LRCH2: variants seen among roughly 807,000 people sequenced by gnomAD.
The protein encoded by LRCH2 is leucine rich repeats and calponin homology domain containing 2.
A neutral mutation model predicts 68.9 loss-of-function variants in LRCH2; 38 were observed. That is an observed-to-expected ratio of 0.55 (90% confidence interval 0.43 to 0.72). The LOEUF is 0.72. LRCH2 is among the 30% of genes least tolerant of loss of function. The pLI, the probability that LRCH2 is intolerant of heterozygous loss-of-function variation, is 0.00. For synonymous variants in LRCH2, 191 were observed against 208.1 expected (o/e 0.92, Z 0.71); for missense variants, 528 against 572.9 (o/e 0.92, Z 0.80).
intron 14 of LRCH2, among the ~76,000 whole-genome samples, chrX:115,147,745 G>A (rs1556536861): frequency 9.0e-6 from 1 of 111,330 alleles, no homozygotes; most frequent in African/African-American, 3.3e-5. Flanking sequence ...GTCCACTCAA[G>A]TTACTGTAAA....
At chrX:115,196,002 T>C (rs2072884594) in intron 1 of LRCH2, among the ~76,000 whole-genome samples, 2 of 111,856 alleles carry the variant, frequency 1.8e-5, no homozygotes, top group South Asian at 7.5e-4. Flanking sequence ...GCACCAGTCT[T>C]GGCCATTGGG....
chrX:115,201,386 T>C (rs1190051240), intron 1 of LRCH2, among the ~76,000 whole-genome samples: 2 of 111,843 alleles, frequency 1.8e-5, no homozygotes, highest in Non-Finnish European at 3.8e-5. Flanking sequence ...ATAAATGTGA[T>C]ACATCACATA....
Position 115,112,213 on chromosome X carries a change from T to C in LRCH2, c.*1003A>G, listed in dbSNP as rs1556522918. On this transcript the variant is annotated 3_prime_UTR_variant, in exon 21 of 21. Coordinates refer to ENST00000317135, the MANE Select transcript of LRCH2 (RefSeq NM_020871.4). ...ATAGCTAAAGGCAGCACTGATAGAA[T>C]GCTGCTCAAAGGGAAGATATAAACC... 1 of 111,723 alleles carries C rather than the reference T, an allele frequency of 9.0e-6. No homozygotes were observed. The highest frequency in any genetic ancestry group is 3.2e-5 in the African/African-American group (1 of 30,825). 9.2% of individuals were successfully genotyped at this position (111,723 alleles called of 1,213,427 possible). A position where few individuals can be genotyped will look rare whatever the true frequency, so the allele number is the denominator to read the frequency against.
At chrX:115,212,293 A>AGTATTATC (rs1451848001) in intron 1 of LRCH2, among the ~76,000 whole-genome samples, 4 of 112,235 alleles carry the variant, frequency 3.6e-5, no homozygotes, top group East Asian at 5.6e-4. Flanking sequence ...ATGCACATGC[A>AGTATTATC]GTATTATCAC....
chrX:115,219,653 T>C (rs2073065382), intron 1 of LRCH2, among the ~76,000 whole-genome samples: 1 of 111,915 alleles, frequency 8.9e-6, no homozygotes, highest in South Asian at 3.8e-4. Context: ...TGCTCTGTTG[T>C]TGAGGAGTCA....
At chrX:115,120,498 A>G (rs369348899) in intron 20 of LRCH2, among the ~76,000 whole-genome samples, 5,240 of 70,875 alleles carry the variant, frequency 0.074, 223 homozygotes, top group Middle Eastern at 0.1. Context: ...TTAGAATGGC[A>G]ATCATTAAAA....
chrX:115,215,861 G>C (rs944184425), intron 1 of LRCH2, among the ~76,000 whole-genome samples: 2 of 109,791 alleles, frequency 1.8e-5, no homozygotes, highest in Non-Finnish European at 3.8e-5. Flanking sequence ...TTTTGAATTA[G>C]GCACTTCCAT....
intron 1 of LRCH2, chrX:115,191,835 C>T: frequency 8.7e-7 from 1 of 1,153,819 alleles, no homozygotes; most frequent in Non-Finnish European, 1.2e-6. Flanking sequence ...CACCCAATGC[C>T]TACAGCGGGG....
At chrX:115,123,241 G>T in intron 17 of LRCH2, 49 bp from the exon 18 acceptor site, 1 of 971,811 alleles carries the variant, frequency 1.0e-6, no homozygotes, top group Non-Finnish European at 1.4e-6. Context: ...ATGGGAAGGA[G>T]CAACTATTGA....
In LRCH2 at chrX:115,213,671, T is replaced by C. The variant is rs963047483; in HGVS notation, c.349+20022A>G. On this transcript the variant is annotated intron_variant, in intron 1 of 20. Transcript: ENST00000317135. ...TTAGTTCTACTAAAATTGTAGTTTC[T>C]ATAATATAAAGCTCTTGGGGCTAGA... is the stretch of plus-strand genomic sequence containing the variant. 3.6e-5 allele frequency among the ~76,000 whole-genome samples: 4 copies of C among 111,981 alleles called. No homozygotes were observed. The South Asian group carries it at 1.5e-3, about 41-fold the overall frequency.
intron 11 of LRCH2, among the ~76,000 whole-genome samples, chrX:115,158,535 C>G (rs2072492804): frequency 9.0e-6 from 1 of 111,705 alleles, no homozygotes; most frequent in South Asian, 3.7e-4. Flanking sequence ...TTATAAACTT[C>G]CTAAACCTAG....
chrX:115,141,106 C>A (rs1012577024), intron 14 of LRCH2, among the ~76,000 whole-genome samples: 1 of 108,008 alleles, frequency 9.3e-6, no homozygotes, highest in Non-Finnish European at 1.9e-5. Flanking sequence ...GGCATAGTGG[C>A]GGGTGCCTGT....
At chrX:115,226,759 G>GA in intron 1 of LRCH2, among the ~76,000 whole-genome samples, 1 of 111,209 alleles carries the variant, frequency 9.0e-6, no homozygotes, top group South Asian at 3.9e-4. Flanking sequence ...GGTGAATAAC[G>GA]AGAGTTCATT....
At chrX:115,183,060 GCACGCA>G (rs1287318871) in intron 3 of LRCH2, among the ~76,000 whole-genome samples, 1 of 108,077 alleles carries the variant, frequency 9.3e-6, no homozygotes, top group African/African-American at 3.4e-5. Context: ...GCATGCACAC[GCACGCA>G]CACGCACACA....
At chrX:115,196,684 A>T (rs1484924103) in intron 1 of LRCH2, among the ~76,000 whole-genome samples, 3 of 111,466 alleles carry the variant, frequency 2.7e-5, no homozygotes, top group Non-Finnish European at 5.6e-5. Context: ...GCCTGTTGCA[A>T]CCACTTCCAA....
At chrX:115,140,014 C>A (rs781947824) in intron 14 of LRCH2, among the ~76,000 whole-genome samples, 2 of 111,311 alleles carry the variant, frequency 1.8e-5, no homozygotes, top group Admixed American at 9.5e-5. Flanking sequence ...TAGGGAGACA[C>A]CAGCAGGGGT....
At chrX:115,178,890 T>C (rs1347678014) in intron 5 of LRCH2, among the ~76,000 whole-genome samples, 1 of 112,149 alleles carries the variant, frequency 8.9e-6, no homozygotes, top group African/African-American at 3.2e-5. Context: ...TTTTCAGAAA[T>C]TCTATTGACA....
chrX:115,188,153 A>G, intron 2 of LRCH2, 73 bp downstream of exon 2: 2 of 768,574 alleles, frequency 2.6e-6, no homozygotes, highest in Non-Finnish European at 3.6e-6. Context: ...CAAATCAAAC[A>G]TATTCCTTTG....
chrX:115,217,854 A>C (rs1022497559), intron 1 of LRCH2, among the ~76,000 whole-genome samples: 2 of 112,059 alleles, frequency 1.8e-5, no homozygotes, highest in Non-Finnish European at 3.8e-5. Context: ...AACAGTGTAA[A>C]AGTGTTCCTA....
Sources: gnomAD v4.1 joint callset for allele counts (sites outside exome capture counted in the v4.1 genomes callset) on GRCh38, gnomAD v4.1.1 for gene constraint, MANE v1.5 for transcripts, NCBI Gene and HGNC (gene_info 2026-07-23, HGNC 2026-07-21) for gene names.